SLC24A2: variants seen among roughly 807,000 people sequenced by gnomAD.
SLC24A2 encodes sodium/potassium/calcium exchanger 2.
SLC24A2 carries 36 observed loss-of-function variants against 62.0 expected under a neutral mutation model. The observed-to-expected ratio is 0.58, with a 90% CI of 0.44 to 0.77. The LOEUF (loss-of-function observed/expected upper bound fraction) is 0.77. Among genes scored for constraint, SLC24A2 ranks in the 30% least tolerant of loss-of-function variants. SLC24A2 has a pLI of 0.00. For missense variants in SLC24A2, 846 were observed against 817.9 expected, an observed-to-expected ratio of 1.03 and a Z score of -0.42; for synonymous variants, 358 against 294.0, an observed-to-expected ratio of 1.22 and a Z score of -2.23.
At chr9:19,650,720 G>A (rs1019594013) in intron 2 of SLC24A2, among the ~76,000 whole-genome samples, 7 of 101,120 alleles carry the variant, frequency 6.9e-5, no homozygotes, top group African/African-American at 1.6e-4. Flanking sequence ...AACATGGCAC[G>A]CGCACACACA....
intron 2 of SLC24A2, among the ~76,000 whole-genome samples, chr9:19,633,819 T>C (rs1309355679): frequency 6.6e-6 from 1 of 152,246 alleles, no homozygotes; most frequent in Non-Finnish European, 1.5e-5. Context: ...TTTTATGGGT[T>C]CCTTGTATAT....
rs1818194972 is a variant in SLC24A2, at chr9:19,632,081, T to G, written c.931-9782A>C. Among the ~76,000 whole-genome samples the G allele has an allele frequency of 6.6e-6, 1 of 152,042 alleles. No individual in the cohort carries two copies. The highest frequency in any genetic ancestry group is 1.5e-5 in the Non-Finnish European group (1 of 68,016). The stretch of plus-strand genomic sequence containing the variant: ...CAGAGTAGATGGTAAGGACTAGGAG[T>G]CCCATTAGTGGGGCTTGACATGAGG... On this transcript the variant is annotated intron_variant, in intron 2 of 10. Transcript: ENST00000341998. The surrounding 1 kb of genome is among the most constrained non-coding windows in gnomAD (Gnocchi z 4.5).
At chr9:20,263,808 C>CAGGAAGTA in the SLC24A2 span, among the ~76,000 whole-genome samples, 1 of 145,086 alleles carries the variant, frequency 6.9e-6, no homozygotes, top group Admixed American at 7.5e-5. Flanking sequence ...TCCATTGTTG[C>CAGGAAGTA]AGGAAGTAAA....
At chr9:20,131,079 C>T in the SLC24A2 span, among the ~76,000 whole-genome samples, 1 of 151,194 alleles carries the variant, frequency 6.6e-6, no homozygotes, top group African/African-American at 2.5e-5. Context: ...GTAACAAATA[C>T]CCAGATCCAG....
At chr9:19,633,904 T>C (rs1164390848) in intron 2 of SLC24A2, among the ~76,000 whole-genome samples, 1 of 152,226 alleles carries the variant, frequency 6.6e-6, no homozygotes, top group African/African-American at 2.4e-5. Context: ...ACTTTCATTC[T>C]CTAAAAAATG....
chr9:19,549,104 C>A (rs962703011), intron 8 of SLC24A2, among the ~76,000 whole-genome samples: 1 of 152,044 alleles, frequency 6.6e-6, no homozygotes, highest in Non-Finnish European at 1.5e-5. Context: ...GATGTTGTTG[C>A]GTTCGGAGCA....
chr9:20,022,214 T>C, the SLC24A2 span, among the ~76,000 whole-genome samples: 3 of 152,176 alleles, frequency 2.0e-5, no homozygotes, highest in African/African-American at 7.2e-5. Flanking sequence ...TAAATTTTCT[T>C]CTCTATACCA....
chr9:20,135,828 T>C, the SLC24A2 span, among the ~76,000 whole-genome samples: 737 of 152,248 alleles, frequency 4.8e-3, 7 homozygotes, highest in African/African-American at 0.017. Flanking sequence ...TTGGAGAATG[T>C]GTTTTTCCTT....
At chr9:20,268,558 G>C in the SLC24A2 span, among the ~76,000 whole-genome samples, 1 of 152,158 alleles carries the variant, frequency 6.6e-6, no homozygotes, top group Non-Finnish European at 1.5e-5. Flanking sequence ...GTGCTGCTTT[G>C]CACCTCCTCA....
At chr9:20,144,170 C>T in the SLC24A2 span, among the ~76,000 whole-genome samples, 3 of 152,282 alleles carry the variant, frequency 2.0e-5, no homozygotes, top group East Asian at 5.8e-4. Context: ...GATTCTTGGA[C>T]CCTCTATGAA....
At chr9:20,181,197 G>C in the SLC24A2 span, among the ~76,000 whole-genome samples, 1 of 151,422 alleles carries the variant, frequency 6.6e-6, no homozygotes, top group Non-Finnish European at 1.5e-5. Context: ...ATCTACAGCC[G>C]TATATCCTTG....
chr9:20,169,558 G>A, the SLC24A2 span, among the ~76,000 whole-genome samples: 1 of 151,988 alleles, frequency 6.6e-6, no homozygotes, highest in Non-Finnish European at 1.5e-5. Flanking sequence ...GACCTGCTGG[G>A]TGATTGGATC....
the SLC24A2 span, among the ~76,000 whole-genome samples, chr9:19,809,988 A>T: frequency 1.3e-5 from 2 of 151,998 alleles, no homozygotes; most frequent in Non-Finnish European, 2.9e-5. Context: ...ACCCCAGACA[A>T]CGCAGCCACT....
At chr9:19,647,118 C>G (rs1488581658) in intron 2 of SLC24A2, among the ~76,000 whole-genome samples, 1 of 144,648 alleles carries the variant, frequency 6.9e-6, no homozygotes, top group Non-Finnish European at 1.5e-5. Flanking sequence ...ACAGAGTCTC[C>G]CTGTACTGTA....
At chr9:19,969,737 A>G in the SLC24A2 span, among the ~76,000 whole-genome samples, 2 of 152,216 alleles carry the variant, frequency 1.3e-5, no homozygotes, top group East Asian at 3.9e-4. Context: ...GGAAATTCAC[A>G]TAATTACTTC....
the SLC24A2 span, among the ~76,000 whole-genome samples, chr9:20,226,518 G>C: frequency 6.6e-6 from 1 of 152,136 alleles, no homozygotes; most frequent in Non-Finnish European, 1.5e-5. Flanking sequence ...GTGACCCTGA[G>C]TAGTCTGCCA....
chr9:19,568,976 G>A (rs1221899398), intron 7 of SLC24A2, among the ~76,000 whole-genome samples: 1 of 152,094 alleles, frequency 6.6e-6, no homozygotes, highest in East Asian at 1.9e-4. Flanking sequence ...AAATATACTG[G>A]ATACAATTTG....
chr9:20,243,241 T>C, the SLC24A2 span, among the ~76,000 whole-genome samples: 1 of 152,176 alleles, frequency 6.6e-6, no homozygotes, highest in Non-Finnish European at 1.5e-5. Context: ...TTCATTCCCT[T>C]CATGGTTGGC....
intron 2 of SLC24A2, among the ~76,000 whole-genome samples, chr9:19,775,123 C>A (rs796763019): frequency 2.6e-4 from 40 of 152,308 alleles, no homozygotes; most frequent in African/African-American, 9.4e-4. Context: ...AAACTGTGAA[C>A]ACTACATTAA....
Sources: allele counts gnomAD v4.1 joint callset (sites outside exome capture counted in the v4.1 genomes callset), GRCh38; gene constraint gnomAD v4.1.1; non-coding constraint Gnocchi (gnomAD v3.1); transcripts MANE v1.5; gene names NCBI Gene and HGNC (gene_info 2026-07-23, HGNC 2026-07-21).